The following CRIM1 variants were observed in gnomAD, a reference collection of about 807,000 sequenced individuals.
CRIM1 encodes the protein cysteine rich transmembrane BMP regulator 1.
CRIM1 carries 32 observed loss-of-function variants against 116.4 expected under a neutral mutation model. The observed-to-expected ratio is 0.27, with a 90% confidence interval of 0.21 to 0.37. The LOEUF (loss-of-function observed/expected upper bound fraction) is 0.37, where lower values mean the gene tolerates loss of function less well. Among genes scored for constraint, CRIM1 ranks in the 10% least tolerant of loss-of-function variants. The pLI is 1.00. For synonymous variants in CRIM1, 590 were observed against 509.2 expected (o/e 1.16, Z -2.13); for missense variants, 1,331 against 1,354.8 (o/e 0.98, Z 0.28).
intron 7 of CRIM1, among the ~76,000 whole-genome samples, chr2:36,497,221 A>G (rs966298931): frequency 2.0e-5 from 3 of 152,214 alleles, no homozygotes; most frequent in African/African-American, 7.2e-5. Flanking sequence ...TGTCCAGGAA[A>G]GCAGTGTGCC....
intron 7 of CRIM1, 86 bp from the exon 8 acceptor site, chr2:36,499,133 T>C: frequency 1.0e-6 from 1 of 1,003,550 alleles, no homozygotes; most frequent in African/African-American, 1.6e-5. Context: ...TTTTGTAACA[T>C]TATGGTGTGG....
At chr2:36,468,707 A>G (rs1413172072) in intron 5 of CRIM1, among the ~76,000 whole-genome samples, 3 of 152,200 alleles carry the variant, frequency 2.0e-5, no homozygotes, top group Admixed American at 6.5e-5. Context: ...GAGCTGGACA[A>G]TGGCCTCTAC....
chr2:36,433,571 T>C (rs1016325687), intron 2 of CRIM1, among the ~76,000 whole-genome samples: 3 of 152,164 alleles, frequency 2.0e-5, no homozygotes, highest in Non-Finnish European at 4.4e-5. Context: ...TCAGGCCCAA[T>C]TGCACAATAG....
chr2:36,477,315 G>C (rs530591827), intron 6 of CRIM1, among the ~76,000 whole-genome samples: 2 of 152,132 alleles, frequency 1.3e-5, no homozygotes, highest in Non-Finnish European at 2.9e-5. Context: ...CACAGGCAAC[G>C]TGAGATGTCC....
chr2:36,520,124 G>A (rs1442198043), intron 12 of CRIM1, among the ~76,000 whole-genome samples: 1 of 152,162 alleles, frequency 6.6e-6, no homozygotes, highest in Non-Finnish European at 1.5e-5. Context: ...CCTGCCTGGT[G>A]GAAGGAAACC....
Position 36,484,720 on chromosome 2 carries a change from C to T in CRIM1, c.1372+5026C>T, listed in dbSNP as rs143903214. 1.7e-4 allele frequency among the ~76,000 whole-genome samples: 26 copies of T among 152,268 alleles called. No homozygotes were observed. The East Asian group carries it at 3.7e-3, about 21-fold the overall frequency. On this transcript the variant is annotated intron_variant, in intron 7 of 16. Transcript: ENST00000280527. Reference sequence around the variant, plus strand: ...CTCCTTAGGTGCACCATCTCCTGCACGGAGGAGCTGATGATTTTGATGACC... The same window carrying T: ...CTCCTTAGGTGCACCATCTCCTGCATGGAGGAGCTGATGATTTTGATGACC...
At chr2:36,494,756 C>T (rs1158414135) in intron 7 of CRIM1, among the ~76,000 whole-genome samples, 3 of 152,134 alleles carry the variant, frequency 2.0e-5, no homozygotes, top group Non-Finnish European at 4.4e-5. Context: ...TTCTTCTCCA[C>T]AAGGAAGCTG....
intron 1 of CRIM1, among the ~76,000 whole-genome samples, chr2:36,394,842 G>T (rs1020139099): frequency 6.6e-6 from 1 of 151,924 alleles, no homozygotes. Context: ...TCAAAGGACC[G>T]CCCTGAAGCT....
At chr2:36,516,618 G>GTGA (rs140281551) in intron 11 of CRIM1, among the ~76,000 whole-genome samples, 3,513 of 152,242 alleles carry the variant, frequency 0.023, 66 homozygotes, top group Non-Finnish European at 0.034. Context: ...TTAGTCTCAG[G>GTGA]TGAGGGTTTT....
intron 2 of CRIM1, among the ~76,000 whole-genome samples, chr2:36,437,824 C>G (rs1363407531): frequency 6.6e-6 from 1 of 152,000 alleles, no homozygotes; most frequent in African/African-American, 2.4e-5. Context: ...TTGGGACTGT[C>G]AAAAAGAACT....
intron 2 of CRIM1, among the ~76,000 whole-genome samples, chr2:36,423,735 G>A (rs4670556): frequency 0.29 from 43,331 of 152,036 alleles, 6,385 homozygotes; most frequent in South Asian, 0.4. Flanking sequence ...AAAGATCCCA[G>A]AATCTTTTGT....
chr2:36,507,312 G>T (rs1465698188), intron 8 of CRIM1, among the ~76,000 whole-genome samples: 1 of 152,182 alleles, frequency 6.6e-6, no homozygotes, highest in Admixed American at 6.5e-5. Flanking sequence ...GCAAGTGCTA[G>T]TATTTCAGGA....
chr2:36,443,701 G>A (rs1676031068), intron 4 of CRIM1, among the ~76,000 whole-genome samples: 1 of 152,204 alleles, frequency 6.6e-6, no homozygotes, highest in African/African-American at 2.4e-5. Context: ...TAAGATAGGA[G>A]TAGATGTGGT....
intron 7 of CRIM1, among the ~76,000 whole-genome samples, chr2:36,481,961 T>C (rs755723092): frequency 6.6e-6 from 1 of 152,198 alleles, no homozygotes; most frequent in Non-Finnish European, 1.5e-5. Context: ...CTCCAGGTAT[T>C]TTGAATGTGA....
At chr2:36,530,013 AGAAAGATGGATTAAG>A (rs1406107393) in intron 13 of CRIM1, among the ~76,000 whole-genome samples, 1 of 152,234 alleles carries the variant, frequency 6.6e-6, no homozygotes, top group African/African-American at 2.4e-5. Context: ...TTTTTTTAAA[AGAAAGATGGATTAAG>A]ATCAGATTTT....
At chr2:36,429,499 C>T (rs998091669) in intron 2 of CRIM1, among the ~76,000 whole-genome samples, 2 of 152,056 alleles carry the variant, frequency 1.3e-5, no homozygotes, top group African/African-American at 4.8e-5. Context: ...TTGGCGGGGA[C>T]GGCTCTTGTT....
intron 13 of CRIM1, among the ~76,000 whole-genome samples, chr2:36,534,891 T>C (rs959737533): frequency 2.0e-5 from 3 of 152,138 alleles, no homozygotes; most frequent in Admixed American, 1.3e-4. Flanking sequence ...TTCAGTGATA[T>C]TGCATTGTAT....
intron 4 of CRIM1, among the ~76,000 whole-genome samples, chr2:36,450,840 G>A (rs918705874): frequency 6.6e-6 from 1 of 152,172 alleles, no homozygotes; most frequent in African/African-American, 2.4e-5. Context: ...TCATTTTGTT[G>A]GTGCTGTCTT....
intron 8 of CRIM1, among the ~76,000 whole-genome samples, chr2:36,501,940 T>A (rs1681031019): frequency 6.6e-6 from 1 of 152,204 alleles, no homozygotes; most frequent in African/African-American, 2.4e-5. Flanking sequence ...TGGCCAACCT[T>A]GTTTTTTGAA....
Sources: allele counts gnomAD v4.1 joint callset (sites outside exome capture counted in the v4.1 genomes callset), GRCh38; gene constraint gnomAD v4.1.1; transcripts MANE v1.5; gene names NCBI Gene and HGNC (gene_info 2026-07-23, HGNC 2026-07-21).